TBC1D5: variants seen among roughly 807,000 people sequenced by gnomAD.
The protein encoded by TBC1D5 is TBC1 domain family member 5.
TBC1D5 carries 75 observed loss-of-function variants against 100.3 expected under a neutral mutation model. The observed-to-expected ratio is 0.75, with a 90% CI of 0.62 to 0.91. The LOEUF (loss-of-function observed/expected upper bound fraction) is 0.91. Among genes scored for constraint, TBC1D5 ranks in the 40% least tolerant of loss-of-function variants. TBC1D5 has a pLI of 0.00. For missense variants in TBC1D5, 910 were observed against 942.4 expected (o/e 0.97, Z 0.45); for synonymous variants, 323 against 325.6 (o/e 0.99, Z 0.09).
chr3:17,651,535 AC>A (rs1055118370), intron 1 of TBC1D5, among the ~76,000 whole-genome samples: 5 of 152,210 alleles, frequency 3.3e-5, no homozygotes, highest in African/African-American at 1.2e-4. Context: ...ATGGTGAAAC[AC>A]CGTCTCTACT....
intron 10 of TBC1D5, 23 bp downstream of exon 10, chr3:17,376,502 C>G: frequency 1.3e-6 from 2 of 1,577,850 alleles, no homozygotes; most frequent in Non-Finnish European, 1.7e-6. Context: ...ACAAATGGAG[C>G]TCATATTAAA....
chr3:17,285,248 C>CTTTTTTTTT (rs373843978), intron 15 of TBC1D5, among the ~76,000 whole-genome samples: 1 of 104,684 alleles, frequency 9.6e-6, no homozygotes, highest in Admixed American at 1.1e-4. Context: ...ATTTTAGATT[C>CTTTTTTTTT]TTTTTTTTTT....
rs185849233 is a variant in TBC1D5 at position 17,677,083 on chromosome 3, T to C, written c.-100-53170A>G. Among the ~76,000 whole-genome samples, 1,510 of 152,254 alleles carry C rather than the reference T, an allele frequency of 9.9e-3. 28 individuals carry two copies. Among genetic ancestry groups the C allele is most frequent in the African/African-American group, 0.034 (1,412 of 41,540 alleles). On this transcript the variant is annotated intron_variant, in intron 1 of 21. Transcript: ENST00000253692. ...AACCTAGGCAATACCATTCAGGACA[T>C]AGGCATGGGCAAGGACTTCAAGTCT...
chr3:17,696,050 A>G (rs2072010965), intron 1 of TBC1D5, among the ~76,000 whole-genome samples: 3 of 152,222 alleles, frequency 2.0e-5, no homozygotes, highest in South Asian at 4.1e-4. Flanking sequence ...TTTGAAACCA[A>G]TGAGAACAAA....
intron 2 of TBC1D5, chr3:17,576,449 C>T (rs543788302): frequency 1.3e-4 from 20 of 151,778 alleles, no homozygotes; most frequent in African/African-American, 4.6e-4. Flanking sequence ...ATTTTTGAAA[C>T]AAGCAACAAC....
chr3:17,684,356 A>C (rs2069947857), intron 1 of TBC1D5, among the ~76,000 whole-genome samples: 2 of 152,128 alleles, frequency 1.3e-5, no homozygotes, highest in African/African-American at 4.8e-5. Flanking sequence ...TGCATAATTT[A>C]CAATTTTATA....
chr3:17,308,694 T>A (rs941696193), intron 13 of TBC1D5, among the ~76,000 whole-genome samples: 1 of 152,160 alleles, frequency 6.6e-6, no homozygotes, highest in African/African-American at 2.4e-5. Flanking sequence ...TTATTTTAAA[T>A]GAAGGATATA....
At chr3:17,506,217 G>A (rs997183728) in intron 3 of TBC1D5, among the ~76,000 whole-genome samples, 1 of 151,960 alleles carries the variant, frequency 6.6e-6, no homozygotes, top group Non-Finnish European at 1.5e-5. Context: ...CAAATAATAT[G>A]ACAACCTCAT....
chr3:17,742,234 T>C (rs1473244483), upstream of TBC1D5, among the ~76,000 whole-genome samples: 2 of 152,004 alleles, frequency 1.3e-5, no homozygotes, highest in Non-Finnish European at 2.9e-5. Context: ...CGACGCCGAC[T>C]CCGAGGCGCA....
At chr3:17,581,024 C>T (rs752310629) in intron 2 of TBC1D5, among the ~76,000 whole-genome samples, 3 of 152,176 alleles carry the variant, frequency 2.0e-5, no homozygotes, top group South Asian at 2.1e-4. Context: ...ATAATCCCCA[C>T]GTGTCGTGGG....
intron 1 of TBC1D5, among the ~76,000 whole-genome samples, chr3:17,729,600 A>G (rs1445801839): frequency 1.3e-5 from 2 of 152,096 alleles, no homozygotes; most frequent in Non-Finnish European, 2.9e-5. Context: ...CCAGCTCCTC[A>G]GGAGGCTGAC....
At chr3:17,365,080 C>T (rs2092020222) in intron 13 of TBC1D5, among the ~76,000 whole-genome samples, 1 of 152,128 alleles carries the variant, frequency 6.6e-6, no homozygotes, top group Non-Finnish European at 1.5e-5. Context: ...ATTAAGTAGA[C>T]TTAAGATACA....
intron 3 of TBC1D5, among the ~76,000 whole-genome samples, chr3:17,466,749 C>A (rs1477637758): frequency 1.3e-5 from 2 of 151,026 alleles, no homozygotes; most frequent in African/African-American, 2.5e-5. Flanking sequence ...TGGCTTAACA[C>A]CTTATATGCA....
intron 3 of TBC1D5, among the ~76,000 whole-genome samples, chr3:17,472,927 A>C (rs530243483): frequency 6.6e-6 from 1 of 152,356 alleles, no homozygotes; most frequent in South Asian, 2.1e-4. Flanking sequence ...CTGAGTAATC[A>C]CAGTACCATA....
intron 1 of TBC1D5, among the ~76,000 whole-genome samples, chr3:17,667,458 TTTTC>T (rs1245962972): frequency 6.6e-6 from 1 of 152,066 alleles, no homozygotes; most frequent in African/African-American, 2.4e-5. Context: ...AAAAAATTTT[TTTTC>T]TTTTTCTTTT....
chr3:17,736,254 G>C (rs975804795), intron 1 of TBC1D5, among the ~76,000 whole-genome samples: 2 of 151,992 alleles, frequency 1.3e-5, no homozygotes, highest in Non-Finnish European at 2.9e-5. Context: ...GTGAGACCTT[G>C]TCTCTAAAAA....
chr3:17,524,234 T>C (rs965783189), intron 2 of TBC1D5, among the ~76,000 whole-genome samples: 1 of 152,184 alleles, frequency 6.6e-6, no homozygotes, highest in Admixed American at 6.5e-5. Flanking sequence ...TTAGATGTAA[T>C]TTTTCACCTA....
intron 3 of TBC1D5, among the ~76,000 whole-genome samples, chr3:17,506,724 A>T (rs1257053184): frequency 6.6e-6 from 1 of 152,196 alleles, no homozygotes. Context: ...CATTCCTGTA[A>T]ACAATAAAGG....
At chr3:17,313,684 TTGGA>T (rs961270006) in intron 13 of TBC1D5, among the ~76,000 whole-genome samples, 4 of 152,190 alleles carry the variant, frequency 2.6e-5, no homozygotes, top group African/African-American at 9.6e-5. Context: ...ATACACACTG[TTGGA>T]AGAACTGACA....
Sources: allele counts gnomAD v4.1 joint callset (sites outside exome capture counted in the v4.1 genomes callset), GRCh38; gene constraint gnomAD v4.1.1; transcripts MANE v1.5; gene names NCBI Gene and HGNC (gene_info 2026-07-23, HGNC 2026-07-21).